CAPS2: variants seen among roughly 807,000 people sequenced by gnomAD.
CAPS2 encodes calcyphosine 2.
In CAPS2, 98 loss-of-function variants were observed where a neutral mutation model predicts 86.5. The observed-to-expected ratio is 1.13, with a 90% CI of 0.96 to 1.34. The LOEUF is 1.34. CAPS2 is among the 40% of genes most tolerant of loss of function. The probability of loss-of-function intolerance (pLI) is 0.00; values close to 1 mark genes in which losing one functional copy is unlikely to be tolerated. For missense variants in CAPS2, 729 were observed against 686.8 expected (o/e 1.06, Z -0.69); for synonymous variants, 210 against 225.1 (o/e 0.93, Z 0.60).
chr12:75,334,147 G>GA (rs1440273100), upstream of CAPS2: 1 of 152,074 alleles, frequency 6.6e-6, no homozygotes, highest in African/African-American at 2.4e-5. Flanking sequence ...CTCTTCAGAC[G>GA]AAAAAACAGA....
chr12:75,291,577 A>ATATATATATAGCTTATTTTTAAAAG (rs2035932483), intron 13 of CAPS2, among the ~76,000 whole-genome samples, 167 bp downstream of exon 13: 4 of 62,084 alleles, frequency 6.4e-5, no homozygotes, highest in African/African-American at 2.2e-4. Flanking sequence ...GTATATATAT[A>ATATATATATAGCTTATTTTTAAAAG]TATATATATA....
intron 16 of CAPS2, among the ~76,000 whole-genome samples, chr12:75,279,692 A>G (rs1264672238): frequency 1.3e-5 from 2 of 152,054 alleles, no homozygotes; most frequent in South Asian, 2.1e-4. Flanking sequence ...AACATACACA[A>G]GAAATAGAGA....
At chr12:75,278,140 A>G (rs1368740979) in exon 17 of CAPS2, 5 of 937,142 alleles carry the variant, frequency 5.3e-6, no homozygotes, top group East Asian at 2.3e-4. Flanking sequence ...CTCAATAACA[A>G]TCGTATGCTG....
chr12:75,314,714 A>G (rs1433479960), intron 6 of CAPS2, among the ~76,000 whole-genome samples: 1 of 152,208 alleles, frequency 6.6e-6, no homozygotes, highest in African/African-American at 2.4e-5. Flanking sequence ...TCGGCTGAAC[A>G]CAGATGTAAA....
intron 5 of CAPS2, among the ~76,000 whole-genome samples, chr12:75,317,650 T>C (rs111357310): frequency 2.2e-3 from 342 of 152,268 alleles, no homozygotes; most frequent in East Asian, 4.6e-3. Flanking sequence ...CCAAAAGCCT[T>C]AGATCCATTG....
At chr12:75,340,219 C>G (rs1482181968) in intron 1 of CAPS2, among the ~76,000 whole-genome samples, 1 of 151,008 alleles carries the variant, frequency 6.6e-6, no homozygotes, top group African/African-American at 2.4e-5. Flanking sequence ...GGCATTTAGA[C>G]CGTTTCCATA....
intron 1 of CAPS2, among the ~76,000 whole-genome samples, chr12:75,383,280 A>G (rs555860755): frequency 8.0e-4 from 122 of 152,320 alleles, no homozygotes; most frequent in African/African-American, 2.8e-3. Flanking sequence ...TTCTTTCTAC[A>G]GAAACCAAAT....
At chr12:75,276,515 A>C, downstream of CAPS2, 1 of 975,552 alleles carries the variant, frequency 1.0e-6, no homozygotes, top group Non-Finnish European at 1.2e-6. Flanking sequence ...ACATATATTT[A>C]TATACTATAA....
At chr12:75,286,325 T>C (rs547876963) in intron 14 of CAPS2, among the ~76,000 whole-genome samples, 12 of 152,146 alleles carry the variant, frequency 7.9e-5, no homozygotes, top group African/African-American at 2.6e-4. Context: ...GTCTGTGTAG[T>C]TAAACTGAAG....
chr12:75,372,983 T>C (rs2044455893), intron 1 of CAPS2, among the ~76,000 whole-genome samples: 1 of 152,226 alleles, frequency 6.6e-6, no homozygotes. Context: ...TACATGTCTA[T>C]TCCAATGAGG....
intron 7 of CAPS2, chr12:75,305,824 C>T: frequency 1.3e-6 from 1 of 742,838 alleles, no homozygotes; most frequent in Non-Finnish European, 2.5e-6. Flanking sequence ...GGGGCATATT[C>T]AGGCTCACCA....
intron 16 of CAPS2, 52 bp downstream of exon 16, chr12:75,282,199 T>A: frequency 1.0e-6 from 1 of 967,226 alleles, no homozygotes; most frequent in South Asian, 1.3e-5. Flanking sequence ...AGATATTATC[T>A]TTATTAAGTA....
chr12:75,386,693 T>C (rs1200723061), intron 1 of CAPS2, among the ~76,000 whole-genome samples: 2 of 152,118 alleles, frequency 1.3e-5, no homozygotes, highest in African/African-American at 4.8e-5. Flanking sequence ...TTAAAAGGTA[T>C]AGTATTGGTG....
chr12:75,314,459 T>A (rs933108917), intron 6 of CAPS2, among the ~76,000 whole-genome samples: 1 of 152,154 alleles, frequency 6.6e-6, no homozygotes, highest in East Asian at 1.9e-4. Flanking sequence ...AAATTCAAAA[T>A]GTGTAGTTTA....
chr12:75,368,071 T>C (rs553751037), intron 1 of CAPS2, among the ~76,000 whole-genome samples: 15 of 152,186 alleles, frequency 9.9e-5, no homozygotes, highest in African/African-American at 2.9e-4. Context: ...AATGTCTTAA[T>C]ATTGTAAACT....
intron 15 of CAPS2, among the ~76,000 whole-genome samples, chr12:75,282,729 T>G (rs1445247276): frequency 6.6e-6 from 1 of 152,170 alleles, no homozygotes; most frequent in East Asian, 1.9e-4. Flanking sequence ...GACATAGGAA[T>G]CTAATATTCT....
At chr12:75,380,841 G>A (rs1053225847) in intron 1 of CAPS2, among the ~76,000 whole-genome samples, 4 of 152,022 alleles carry the variant, frequency 2.6e-5, no homozygotes, top group Admixed American at 2.0e-4. Flanking sequence ...CCAATATATT[G>A]TTTGAGAGTT....
intron 1 of CAPS2, among the ~76,000 whole-genome samples, chr12:75,376,772 G>A (rs61932935): frequency 0.16 from 24,735 of 152,034 alleles, 2,183 homozygotes; most frequent in Admixed American, 0.23. Flanking sequence ...GAGGCTGAGC[G>A]TGCACCTTTC....
chr12:75,279,184 C>A, intron 16 of CAPS2, 119 bp from the exon 17 acceptor site: 1 of 967,184 alleles, frequency 1.0e-6, no homozygotes, highest in Non-Finnish European at 1.5e-6. Flanking sequence ...AATCTTTTGT[C>A]AAACTACCAG....
Sources: gnomAD v4.1 joint callset for allele counts (sites outside exome capture counted in the v4.1 genomes callset) on GRCh38, gnomAD v4.1.1 for gene constraint, MANE v1.5 for transcripts, NCBI Gene and HGNC (gene_info 2026-07-23, HGNC 2026-07-21) for gene names.